WDR70: variants seen among roughly 807,000 people sequenced by gnomAD.
WDR70 encodes the protein WD repeat domain 70.
A neutral mutation model predicts 88.6 loss-of-function variants in WDR70; 53 were observed. That is an observed-to-expected ratio of 0.60 (90% CI 0.48 to 0.75). The LOEUF (loss-of-function observed/expected upper bound fraction) is 0.75, where lower values mean the gene tolerates loss of function less well. Ranked by LOEUF, WDR70 falls within the 30% of genes least tolerant of loss-of-function variation. The probability of loss-of-function intolerance (pLI) is 0.00; values close to 1 mark genes in which losing one functional copy is unlikely to be tolerated. For synonymous variants in WDR70, 280 were observed against 270.0 expected, an observed-to-expected ratio of 1.04 and a Z score of -0.36; for missense variants, 610 against 823.2, an observed-to-expected ratio of 0.74 and a Z score of 3.17.
chr5:37,691,082 C>T (rs1034307357), intron 10 of WDR70, among the ~76,000 whole-genome samples: 1 of 152,086 alleles, frequency 6.6e-6, no homozygotes, highest in Non-Finnish European at 1.5e-5. Context: ...ATCCTAGTCT[C>T]CGATAAAACA....
chr5:37,443,376 T>A lies in WDR70; in HGVS notation c.686+4T>A. 1 of 1,613,586 alleles carries A rather than the reference T, an allele frequency of 6.2e-7. No homozygotes were observed. Among genetic ancestry groups the A allele is most frequent in the Non-Finnish European group, 8.5e-7 (1 of 1,179,758 alleles). On this transcript the variant is annotated splice_donor_region_variant and intron_variant, in intron 7 of 17. Coordinates refer to ENST00000265107, the MANE Select transcript of WDR70 (RefSeq NM_018034.4). ...GATCCCTTCAGCCCTGTGAGTGGTATGTATTCACTTACTTAATATCTTCAT... is the reference window on the plus strand; with the variant it reads ...GATCCCTTCAGCCCTGTGAGTGGTAAGTATTCACTTACTTAATATCTTCAT...
At chr5:37,542,633 A>G (rs560962926) in intron 9 of WDR70, among the ~76,000 whole-genome samples, 140 of 152,258 alleles carry the variant, frequency 9.2e-4, no homozygotes, top group African/African-American at 3.2e-3. Context: ...AATATCATGA[A>G]AGAAAGAGAG....
intron 9 of WDR70, among the ~76,000 whole-genome samples, chr5:37,522,822 C>T (rs1741138650): frequency 6.6e-6 from 1 of 152,216 alleles, no homozygotes; most frequent in Non-Finnish European, 1.5e-5. Flanking sequence ...AACGGCACAC[C>T]AGGAGATTAT....
At chr5:37,745,072 T>A (rs1748597905) in intron 17 of WDR70, among the ~76,000 whole-genome samples, 1 of 152,104 alleles carries the variant, frequency 6.6e-6, no homozygotes, top group South Asian at 2.1e-4. Flanking sequence ...AACAGCAGAC[T>A]TCTCAGCAGA....
intron 5 of WDR70, among the ~76,000 whole-genome samples, chr5:37,407,143 A>G (rs1749377926): frequency 1.3e-5 from 2 of 152,172 alleles, no homozygotes; most frequent in East Asian, 1.9e-4. Context: ...GCCTGGGGAC[A>G]GAGTGAGACT....
intron 8 of WDR70, among the ~76,000 whole-genome samples, chr5:37,489,944 C>T (rs1561872986): frequency 6.6e-6 from 1 of 152,118 alleles, no homozygotes; most frequent in East Asian, 1.9e-4. Flanking sequence ...ATCCCTCCCC[C>T]TTCCCCCCAG....
chr5:37,638,960 A>G (rs1210471052), intron 10 of WDR70, among the ~76,000 whole-genome samples: 1 of 152,216 alleles, frequency 6.6e-6, no homozygotes, highest in Non-Finnish European at 1.5e-5. Context: ...GGAAACAAAA[A>G]TGTATCTAAC....
intron 13 of WDR70, among the ~76,000 whole-genome samples, chr5:37,704,256 A>C (rs1487767777): frequency 6.6e-6 from 1 of 152,212 alleles, no homozygotes; most frequent in African/African-American, 2.4e-5. Context: ...AAACAATTGA[A>C]TCTATCAACT....
chr5:37,563,080 AC>A (rs555291398), intron 9 of WDR70, among the ~76,000 whole-genome samples: 10,685 of 47,950 alleles, frequency 0.22, 3,143 homozygotes, highest in African/African-American at 0.57. Context: ...CGGGGGGCTG[AC>A]CCCCCCCGCC....
At chr5:37,592,382 G>A (rs1471193222) in intron 9 of WDR70, among the ~76,000 whole-genome samples, 1 of 152,100 alleles carries the variant, frequency 6.6e-6, no homozygotes, top group East Asian at 1.9e-4. Context: ...CAATTTATAT[G>A]TCACTGATAA....
chr5:37,688,943 G>A (rs1399355151), intron 10 of WDR70, among the ~76,000 whole-genome samples: 3 of 152,148 alleles, frequency 2.0e-5, no homozygotes, highest in African/African-American at 4.8e-5. Context: ...GAGGGAAGCC[G>A]TGACAGACTG....
chr5:37,438,006 C>T, intron 6 of WDR70, 25 bp downstream of exon 6: 1 of 1,591,316 alleles, frequency 6.3e-7, no homozygotes, highest in South Asian at 1.1e-5. Context: ...CTAGTTTTTT[C>T]CTCTCTCAAA....
chr5:37,538,342 T>C (rs1012667868), intron 9 of WDR70, among the ~76,000 whole-genome samples: 6 of 152,248 alleles, frequency 3.9e-5, no homozygotes, highest in Admixed American at 3.3e-4. Context: ...TCTTGTATTA[T>C]CACAGCGTTA....
chr5:37,516,618 A>G, intron 9 of WDR70, 28 bp downstream of exon 9: 3 of 1,476,818 alleles, frequency 2.0e-6, no homozygotes, highest in Non-Finnish European at 2.8e-6. Context: ...TTCATCTAAT[A>G]CATTCATATC....
At position 37,392,207 on chromosome 5, in the gene WDR70, A is replaced by C. The variant is rs1184781659; in HGVS notation, c.296+87A>C. 6.3e-6 allele frequency: 9 copies of C among 1,425,796 alleles called. No individual in the cohort carries two copies. In the South Asian group the frequency reaches 1.2e-4, roughly 19 times the overall value. The allele number at this position is 1,425,796 out of a possible 1,614,324, so 88.3% of individuals were successfully genotyped here. ...TTTTTTTTTTTTTAATTTTTTTGAG[A>C]TGGAGTCTTGCTCTATCGCCCTCTG... On this transcript the variant is annotated intron_variant, in intron 4 of 17. Transcript: ENST00000265107.
chr5:37,478,262 A>G (rs1739546836), intron 7 of WDR70, among the ~76,000 whole-genome samples: 1 of 152,182 alleles, frequency 6.6e-6, no homozygotes, highest in South Asian at 2.1e-4. Flanking sequence ...TACTTCACAA[A>G]TGCCTGAAAT....
intron 8 of WDR70, among the ~76,000 whole-genome samples, chr5:37,500,075 G>GT (rs1377496940): frequency 2.0e-5 from 3 of 152,204 alleles, no homozygotes; most frequent in African/African-American, 2.4e-5. Context: ...TCAATATGTA[G>GT]TTTTTTTATC....
intron 10 of WDR70, among the ~76,000 whole-genome samples, chr5:37,679,470 G>T (rs1028420258): frequency 6.6e-6 from 1 of 152,170 alleles, no homozygotes. Flanking sequence ...TCAGCTGCAG[G>T]TCTGTTGGAG....
intron 7 of WDR70, among the ~76,000 whole-genome samples, chr5:37,449,905 A>AC (rs1738624190): frequency 6.6e-6 from 1 of 151,892 alleles, no homozygotes. Context: ...ATAGCCCCGC[A>AC]CCCCCTGACA....
Sources: gnomAD v4.1 joint callset for allele counts (sites outside exome capture counted in the v4.1 genomes callset) on GRCh38, gnomAD v4.1.1 for gene constraint, MANE v1.5 for transcripts, NCBI Gene and HGNC (gene_info 2026-07-23, HGNC 2026-07-21) for gene names.